The following THRB variants were observed in gnomAD, a reference collection of about 807,000 sequenced individuals.
THRB encodes the protein thyroid hormone receptor beta, also known as nuclear receptor subfamily 1 group A member 2.
A neutral mutation model predicts 47.8 loss-of-function variants in THRB; 12 were observed. The ratio of observed to expected loss-of-function variants is 0.25; its 90% CI spans 0.16 to 0.41. The LOEUF is 0.41. THRB is among the 10% of genes least tolerant of loss of function. The probability of loss-of-function intolerance (pLI) is 1.00; values close to 1 mark genes in which losing one functional copy is unlikely to be tolerated. For missense variants in THRB, 348 were observed against 589.2 expected, an observed-to-expected ratio of 0.59 and a Z score of 4.24; for synonymous variants, 218 against 212.2, an observed-to-expected ratio of 1.03 and a Z score of -0.24.
intron 2 of THRB, among the ~76,000 whole-genome samples, chr3:24,298,732 C>T (rs2056654348): frequency 6.6e-6 from 1 of 152,122 alleles, no homozygotes; most frequent in Non-Finnish European, 1.5e-5. Context: ...GCCTCATGTT[C>T]CTCTTACATG....
intron 1 of THRB, among the ~76,000 whole-genome samples, chr3:24,435,138 C>T (rs2070811100): frequency 6.6e-6 from 1 of 152,102 alleles, no homozygotes; most frequent in African/African-American, 2.4e-5. Context: ...TCTATAAGGA[C>T]CTGGAGGCTT....
chr3:24,452,117 C>T (rs1255459738), intron 1 of THRB, among the ~76,000 whole-genome samples: 1 of 152,184 alleles, frequency 6.6e-6, no homozygotes, highest in Non-Finnish European at 1.5e-5. Flanking sequence ...GGGGAGTAAG[C>T]TTTCACATTT....
chr3:24,141,814 A>G (rs2035486735), intron 8 of THRB, among the ~76,000 whole-genome samples: 2 of 152,210 alleles, frequency 1.3e-5, no homozygotes, highest in African/African-American at 2.4e-5. Flanking sequence ...ATCAGGAGAC[A>G]GTGCCAGGCC....
intron 3 of THRB, among the ~76,000 whole-genome samples, chr3:24,240,461 CG>C (rs2049372394): frequency 6.6e-6 from 1 of 152,188 alleles, no homozygotes; most frequent in Non-Finnish European, 1.5e-5. Context: ...GGAAATTACA[CG>C]GATGCCAACC....
chr3:24,464,264 A>G (rs1210509431), intron 1 of THRB, among the ~76,000 whole-genome samples: 1 of 152,140 alleles, frequency 6.6e-6, no homozygotes, highest in African/African-American at 2.4e-5. Context: ...AGAAAAAAAA[A>G]AAAGAAAAAT....
intron 2 of THRB, among the ~76,000 whole-genome samples, chr3:24,312,533 G>A (rs978011638): frequency 1.3e-5 from 2 of 152,164 alleles, no homozygotes; most frequent in Admixed American, 6.5e-5. Flanking sequence ...TGCTTCCTAC[G>A]TATACGCCCA....
chr3:24,222,551 G>T (rs544861643), intron 4 of THRB, among the ~76,000 whole-genome samples: 77 of 152,248 alleles, frequency 5.1e-4, no homozygotes, highest in Non-Finnish European at 5.7e-4. Flanking sequence ...GGTTTCAGCA[G>T]TTCCTGTGAG....
chr3:24,353,261 T>A (rs1461889864), intron 1 of THRB, among the ~76,000 whole-genome samples: 1 of 151,594 alleles, frequency 6.6e-6, no homozygotes, highest in African/African-American at 2.4e-5. Context: ...TAAGTAACGC[T>A]AAAGGTTTAG....
intron 1 of THRB, among the ~76,000 whole-genome samples, chr3:24,456,994 T>G (rs1173670612): frequency 6.6e-6 from 1 of 152,044 alleles, no homozygotes; most frequent in African/African-American, 2.4e-5. Flanking sequence ...TTGGCAAACC[T>G]CTCCTAATTG....
chr3:24,182,794 A>C (rs1292347612), intron 5 of THRB, among the ~76,000 whole-genome samples: 2 of 152,188 alleles, frequency 1.3e-5, no homozygotes, highest in Non-Finnish European at 2.9e-5. Context: ...ATGACCTCGG[A>C]CTGTATAAGT....
intron 3 of THRB, among the ~76,000 whole-genome samples, chr3:24,243,437 G>GT (rs1006720016): frequency 1.1e-4 from 17 of 151,854 alleles, no homozygotes; most frequent in African/African-American, 3.9e-4. Flanking sequence ...TTCCTCGAAC[G>GT]TGTCATATGT....
At chr3:24,488,119 T>G (rs1697579084) in intron 1 of THRB, among the ~76,000 whole-genome samples, 1 of 152,220 alleles carries the variant, frequency 6.6e-6, no homozygotes, top group Non-Finnish European at 1.5e-5. Flanking sequence ...AGGAGTCAAG[T>G]AAGTATATTC....
chr3:24,394,853 G>A (rs1417648983), intron 1 of THRB, among the ~76,000 whole-genome samples: 2 of 152,094 alleles, frequency 1.3e-5, no homozygotes, highest in Admixed American at 6.6e-5. Context: ...AGAAACCTCA[G>A]CTTACTAAAT....
chr3:24,371,230 T>C (rs1366384669), intron 1 of THRB, among the ~76,000 whole-genome samples: 2 of 152,138 alleles, frequency 1.3e-5, no homozygotes, highest in African/African-American at 4.8e-5. Context: ...CCCAAAAAGG[T>C]ATAGGTTTGT....
At chr3:24,187,827 C>G (rs2042792440) in intron 5 of THRB, among the ~76,000 whole-genome samples, 1 of 152,198 alleles carries the variant, frequency 6.6e-6, no homozygotes, top group African/African-American at 2.4e-5. Context: ...TCACTGCTGC[C>G]TCACTCAACA....
At chr3:24,128,960 G>A (rs146067609) in intron 9 of THRB, among the ~76,000 whole-genome samples, 1 of 140,470 alleles carries the variant, frequency 7.1e-6, no homozygotes, top group South Asian at 2.2e-4. Flanking sequence ...CTCTTCATTA[G>A]AGCAGTTACA....
At chr3:24,229,194 T>G (rs1269635387) in intron 3 of THRB, among the ~76,000 whole-genome samples, 193 bp from the exon 4 acceptor site, 1 of 152,238 alleles carries the variant, frequency 6.6e-6, no homozygotes, top group East Asian at 1.9e-4. Flanking sequence ...AATTTTCATC[T>G]CAGGGTTCCT....
At chr3:24,253,477 A>G (rs1202688222) in intron 3 of THRB, among the ~76,000 whole-genome samples, 1 of 152,214 alleles carries the variant, frequency 6.6e-6, no homozygotes, top group Non-Finnish European at 1.5e-5. Context: ...TAAATGTCAC[A>G]TGGAATAAGC....
chr3:24,326,431 T>TCA (rs1402864916), intron 2 of THRB, among the ~76,000 whole-genome samples: 1 of 152,044 alleles, frequency 6.6e-6, no homozygotes, highest in East Asian at 1.9e-4. Context: ...AGATGGGGTT[T>TCA]CACTATGTTG....
Sources: gnomAD v4.1 joint callset for allele counts (sites outside exome capture counted in the v4.1 genomes callset) on GRCh38, gnomAD v4.1.1 for gene constraint, MANE v1.5 for transcripts, NCBI Gene and HGNC (gene_info 2026-07-23, HGNC 2026-07-21) for gene names.